DLG2: variants seen among roughly 807,000 people sequenced by gnomAD.
The protein encoded by DLG2 is discs large MAGUK scaffold protein 2, also known as disks large homolog 2.
DLG2 carries 45 observed loss-of-function variants against 132.5 expected under a neutral mutation model. The observed-to-expected ratio is 0.34, with a 90% CI of 0.27 to 0.44. The LOEUF is 0.44. Among genes scored for constraint, DLG2 ranks in the 20% least tolerant of loss-of-function variants. The probability of loss-of-function intolerance (pLI) is 1.00; values close to 1 mark genes in which losing one functional copy is unlikely to be tolerated. For missense variants in DLG2, 1,045 were observed against 1,196.9 expected, an observed-to-expected ratio of 0.87 and a Z score of 1.87; for synonymous variants, 424 against 419.6, an observed-to-expected ratio of 1.01 and a Z score of -0.13.
chr11:84,878,328 C>G (rs1212213206), intron 6 of DLG2, among the ~76,000 whole-genome samples: 1 of 152,124 alleles, frequency 6.6e-6, no homozygotes. Context: ...CAATGATAGA[C>G]TGGATAAAGA....
intron 6 of DLG2, among the ~76,000 whole-genome samples, chr11:84,945,283 C>T (rs1033145870): frequency 6.6e-6 from 1 of 152,182 alleles, no homozygotes; most frequent in Admixed American, 6.5e-5. Flanking sequence ...CAACCCCAAG[C>T]CCAAGAACGC....
At position 84,982,676 on chromosome 11, in the gene DLG2, C is replaced by T. The variant is rs1322115752; in HGVS notation, c.357+128985G>A. 2.6e-5 allele frequency among the ~76,000 whole-genome samples: 4 copies of T among 151,708 alleles called. No homozygotes were observed. In the East Asian group the frequency reaches 7.7e-4, roughly 29 times the overall value. On this transcript the variant is annotated intron_variant, in intron 6 of 27. Transcript: ENST00000376104. Reference sequence around the variant, plus strand: ...TACTACTCTGGGTAGATGCAAAAATCCTTAAACAAAATATCCTCAAATAGA... The same window carrying T: ...TACTACTCTGGGTAGATGCAAAAATTCTTAAACAAAATATCCTCAAATAGA...
chr11:85,365,875 T>C (rs1054071778), intron 3 of DLG2, among the ~76,000 whole-genome samples: 16 of 151,678 alleles, frequency 1.1e-4, no homozygotes, highest in African/African-American at 3.4e-4. Flanking sequence ...TAAGTGGGAG[T>C]TGAACAATGA....
intron 15 of DLG2, among the ~76,000 whole-genome samples, chr11:83,882,087 G>A (rs977028242): frequency 1.7e-4 from 26 of 151,966 alleles, no homozygotes; most frequent in South Asian, 6.2e-4. Flanking sequence ...TATAATTTAC[G>A]TAAGAAAAAT....
At chr11:85,476,482 C>T (rs1274810801) in intron 3 of DLG2, among the ~76,000 whole-genome samples, 1 of 152,052 alleles carries the variant, frequency 6.6e-6, no homozygotes, top group Non-Finnish European at 1.5e-5. Flanking sequence ...CTACTTTACA[C>T]ATCTTTTAAT....
rs2041342527 is a variant in DLG2 at position 83,790,852 on chromosome 11, C to G, written c.1723-4060G>C. 1.1e-5 allele frequency: 8 copies of G among 745,208 alleles called. 1 individual carries two copies. The South Asian group carries it at 1.2e-4, about 12-fold the overall frequency. 46.2% of individuals were successfully genotyped at this position (745,208 alleles called of 1,614,324 possible). A position where few individuals can be genotyped will look rare whatever the true frequency, so the allele number is the denominator to read the frequency against. ...GAGACTTCCATGGTAGAAGAACTGT[C>G]CAGACAATAGCTACTTGATCCTTCC... On this transcript the variant is annotated intron_variant, in intron 17 of 27. Transcript: ENST00000376104.
At chr11:83,814,136 A>C (rs1200773874) in intron 17 of DLG2, among the ~76,000 whole-genome samples, 1 of 152,198 alleles carries the variant, frequency 6.6e-6, no homozygotes, top group Non-Finnish European at 1.5e-5. Flanking sequence ...GGATTTCTAT[A>C]AAACAATAAA....
chr11:83,750,377 A>G (rs1275671292), intron 18 of DLG2, among the ~76,000 whole-genome samples: 1 of 152,170 alleles, frequency 6.6e-6, no homozygotes, highest in Non-Finnish European at 1.5e-5. Flanking sequence ...GAAATCCAAT[A>G]TAGTTAAAGA....
At chr11:85,599,944 T>A (rs1022860164) in intron 2 of DLG2, among the ~76,000 whole-genome samples, 1 of 152,220 alleles carries the variant, frequency 6.6e-6, no homozygotes, top group Non-Finnish European at 1.5e-5. Context: ...TCCCTTCCAA[T>A]CTATCACTTT....
chr11:83,480,565 TA>T, intron 22 of DLG2: 1 of 1,544,494 alleles, frequency 6.5e-7, no homozygotes, highest in Non-Finnish European at 8.7e-7. Context: ...TCAGATAAGA[TA>T]AAGAAGATGA....
intron 8 of DLG2, among the ~76,000 whole-genome samples, chr11:84,176,734 G>C (rs2095979967): frequency 6.6e-6 from 1 of 152,018 alleles, no homozygotes; most frequent in African/African-American, 2.4e-5. Flanking sequence ...CTCAGAGACA[G>C]AATTTCTCTC....
At chr11:84,302,157 A>G (rs962339465) in intron 7 of DLG2, among the ~76,000 whole-genome samples, 1 of 152,164 alleles carries the variant, frequency 6.6e-6, no homozygotes, top group Admixed American at 6.5e-5. Context: ...ATGAGAACAC[A>G]TGGACACAGG....
intron 6 of DLG2, among the ~76,000 whole-genome samples, chr11:84,778,184 T>C (rs1006771836): frequency 2.0e-5 from 3 of 152,174 alleles, no homozygotes; most frequent in African/African-American, 7.2e-5. Flanking sequence ...TAATCCGATT[T>C]TCCCAGTACC....
intron 6 of DLG2, among the ~76,000 whole-genome samples, chr11:84,820,005 A>C (rs2077499265): frequency 6.6e-6 from 1 of 150,836 alleles, no homozygotes; most frequent in Non-Finnish European, 1.5e-5. Context: ...ACTTTTCAGA[A>C]CCAGGGTTTC....
chr11:84,447,860 T>C (rs929417458), intron 7 of DLG2, among the ~76,000 whole-genome samples: 8 of 152,072 alleles, frequency 5.3e-5, no homozygotes, highest in African/African-American at 1.9e-4. Flanking sequence ...AGACTGATAA[T>C]GGCAGTAACT....
At chr11:84,363,145 A>G (rs1340774648) in intron 7 of DLG2, among the ~76,000 whole-genome samples, 1 of 151,290 alleles carries the variant, frequency 6.6e-6, no homozygotes, top group Non-Finnish European at 1.5e-5. Context: ...AAGTGTTCCT[A>G]TTTCTCCACA....
chr11:85,093,291 T>C (rs757519787), intron 6 of DLG2, among the ~76,000 whole-genome samples: 2 of 129,578 alleles, frequency 1.5e-5, no homozygotes, highest in Non-Finnish European at 3.1e-5. Context: ...AATTCAATCA[T>C]TTGGCAAGGG....
At chr11:85,585,040 A>G (rs985493059) in intron 3 of DLG2, among the ~76,000 whole-genome samples, 3 of 151,868 alleles carry the variant, frequency 2.0e-5, no homozygotes, top group Admixed American at 6.6e-5. Context: ...TTTTTGTTGC[A>G]TTTGCTTTTG....
At chr11:83,781,991 GA>G (rs2094848203) in intron 18 of DLG2, among the ~76,000 whole-genome samples, 1 of 152,108 alleles carries the variant, frequency 6.6e-6, no homozygotes, top group Non-Finnish European at 1.5e-5. Flanking sequence ...TTCAGAACTT[GA>G]AAAAAATGTT....
Sources: gnomAD v4.1 joint callset for allele counts (sites outside exome capture counted in the v4.1 genomes callset) on GRCh38, gnomAD v4.1.1 for gene constraint, MANE v1.5 for transcripts, NCBI Gene and HGNC (gene_info 2026-07-23, HGNC 2026-07-21) for gene names.